Variants in SENP7 observed in about 807,000 individuals in gnomAD.
The protein encoded by SENP7 is sentrin-specific protease 7.
SENP7 carries 64 observed loss-of-function variants against 141.2 expected under a neutral mutation model. The observed-to-expected ratio is 0.45, with a 90% confidence interval of 0.37 to 0.56. The LOEUF (loss-of-function observed/expected upper bound fraction) is 0.56, where lower values mean the gene tolerates loss of function less well. Among genes scored for constraint, SENP7 ranks in the 20% least tolerant of loss-of-function variants. SENP7 has a pLI of 0.00. For missense variants in SENP7, 1,025 were observed against 1,212.2 expected (o/e 0.85, Z 2.29); for synonymous variants, 382 against 426.4 (o/e 0.90, Z 1.28).
At chr3:101,501,423 T>C (rs2065373816) in intron 1 of SENP7, among the ~76,000 whole-genome samples, 1 of 151,972 alleles carries the variant, frequency 6.6e-6, no homozygotes, top group East Asian at 1.9e-4. Context: ...AGAAATTCCC[T>C]GACCAAAGAC....
chr3:101,459,616 T>C (rs1450385730), intron 3 of SENP7, among the ~76,000 whole-genome samples: 1 of 152,204 alleles, frequency 6.6e-6, no homozygotes, highest in Non-Finnish European at 1.5e-5. Context: ...AGGGATATAG[T>C]AACAGTAGCT....
intron 6 of SENP7, among the ~76,000 whole-genome samples, chr3:101,391,266 G>A (rs2060808044): frequency 6.6e-6 from 1 of 151,048 alleles, no homozygotes. Flanking sequence ...ATGAAATATA[G>A]TAAGAAAAAT....
chr3:101,332,978 A>G, intron 17 of SENP7, 116 bp from the exon 18 acceptor site: 1 of 1,014,840 alleles, frequency 9.9e-7, no homozygotes, highest in East Asian at 3.0e-5. Context: ...ATCTTCTTTA[A>G]GATATATCAT....
chr3:101,508,957 C>T (rs948855746), intron 1 of SENP7, among the ~76,000 whole-genome samples: 12 of 152,126 alleles, frequency 7.9e-5, no homozygotes, highest in African/African-American at 2.9e-4. Flanking sequence ...AAAAAATTAC[C>T]TTATTTCATT....
At chr3:101,415,006 A>G (rs1448344525) in intron 5 of SENP7, among the ~76,000 whole-genome samples, 1 of 152,206 alleles carries the variant, frequency 6.6e-6, no homozygotes, top group South Asian at 2.1e-4. Context: ...GAGTTTGAAG[A>G]AAGATATTTT....
At chr3:101,498,975 G>A (rs1382559465) in intron 2 of SENP7, among the ~76,000 whole-genome samples, 1 of 152,142 alleles carries the variant, frequency 6.6e-6, no homozygotes, top group Non-Finnish European at 1.5e-5. Flanking sequence ...CTGGTCCCTG[G>A]TGCCAAACAG....
Position 101,501,137 on chromosome 3 carries a change from G to T in SENP7, c.41-18C>A. 6.3e-7 allele frequency: 1 copy of T among 1,582,020 alleles called. No homozygotes were observed. Among genetic ancestry groups the T allele is most frequent in the African/African-American group, 1.3e-5 (1 of 74,114 alleles). Reference sequence around the variant, plus strand: ...GATGATTTCTACAAAAACCAAAGACGTGGTAAAAATTATCGTTTAACATCT... The same window carrying T: ...GATGATTTCTACAAAAACCAAAGACTTGGTAAAAATTATCGTTTAACATCT... On this transcript the variant is annotated intron_variant, in intron 1 of 23. Coordinates refer to ENST00000394095, the MANE Select transcript of SENP7 (RefSeq NM_020654.5).
chr3:101,335,259 G>A (rs963717897), intron 17 of SENP7, among the ~76,000 whole-genome samples: 8 of 152,110 alleles, frequency 5.3e-5, no homozygotes, highest in Admixed American at 4.6e-4. Context: ...TTAAGGAGAT[G>A]GAAAGAAACC....
chr3:101,380,445 C>CCAACACA (rs1553707807), intron 6 of SENP7, among the ~76,000 whole-genome samples: 1 of 128,826 alleles, frequency 7.8e-6, no homozygotes, highest in Non-Finnish European at 1.7e-5. Context: ...GCCCCCCCCC[C>CCAACACA]CACACACACA....
intron 4 of SENP7, among the ~76,000 whole-genome samples, chr3:101,431,711 G>C (rs2062182020): frequency 1.3e-5 from 2 of 151,766 alleles, no homozygotes; most frequent in Admixed American, 1.3e-4. Flanking sequence ...TTGAACCCGG[G>C]AGGCAGAGGT....
chr3:101,501,796 A>T (rs2065392303), intron 1 of SENP7, among the ~76,000 whole-genome samples: 1 of 152,218 alleles, frequency 6.6e-6, no homozygotes, highest in South Asian at 2.1e-4. Context: ...GTCTACTGGA[A>T]TATATCACAG....
chr3:101,381,508 T>C (rs538983720), intron 6 of SENP7, among the ~76,000 whole-genome samples: 8 of 152,258 alleles, frequency 5.3e-5, no homozygotes, highest in Non-Finnish European at 7.4e-5. Context: ...GAATGGATTA[T>C]GGGTAATATC....
At chr3:101,349,989 G>A (rs915103591) in intron 12 of SENP7, among the ~76,000 whole-genome samples, 1 of 152,168 alleles carries the variant, frequency 6.6e-6, no homozygotes, top group East Asian at 1.9e-4. Context: ...AGCAGAAAAG[G>A]TTATGTCGCA....
rs1032837356 is a variant in SENP7 at position 101,327,900 on chromosome 3, T to C, written c.2865-84A>G. 18 of 1,142,110 alleles carry C rather than the reference T, an allele frequency of 1.6e-5. No homozygotes were observed. In the African/African-American group the frequency reaches 2.2e-4, roughly 14 times the overall value. 70.7% of individuals were successfully genotyped at this position (1,142,110 alleles called of 1,614,324 possible). ...ATTTTCAGAAAGGCGGAAAAACATT[T>C]GTTGCCAGATGTGCTGTCTCAAGCC... On this transcript the variant is annotated intron_variant, in intron 22 of 23. Transcript: ENST00000394095.
At chr3:101,407,405 T>C (rs2061335558) in intron 5 of SENP7, among the ~76,000 whole-genome samples, 1 of 152,050 alleles carries the variant, frequency 6.6e-6, no homozygotes, top group African/African-American at 2.4e-5. Context: ...AAAGAAACAG[T>C]GGATTTAAAC....
chr3:101,496,348 T>G (rs1488095289), intron 2 of SENP7, among the ~76,000 whole-genome samples: 1 of 152,172 alleles, frequency 6.6e-6, no homozygotes, highest in Non-Finnish European at 1.5e-5. Flanking sequence ...TTCTACCTCT[T>G]GGGCCCAGGC....
chr3:101,344,991 C>CAAAAAAAAAAAA (rs71132568), intron 13 of SENP7, among the ~76,000 whole-genome samples: 4 of 61,342 alleles, frequency 6.5e-5, no homozygotes, highest in Admixed American at 2.4e-4. Flanking sequence ...AAAAAGAAAG[C>CAAAAAAAAAAAA]AAAAAAAAAA....
chr3:101,476,033 T>C (rs1402497960), intron 3 of SENP7, among the ~76,000 whole-genome samples: 1 of 152,142 alleles, frequency 6.6e-6, no homozygotes, highest in Non-Finnish European at 1.5e-5. Flanking sequence ...CAGCTACAGA[T>C]TACACACTCT....
At chr3:101,445,894 T>C (rs2062871847) in intron 4 of SENP7, among the ~76,000 whole-genome samples, 1 of 152,106 alleles carries the variant, frequency 6.6e-6, no homozygotes, top group African/African-American at 2.4e-5. Context: ...ATAAAGTACA[T>C]ATTATTAGAG....
Sources: allele counts gnomAD v4.1 joint callset (sites outside exome capture counted in the v4.1 genomes callset), GRCh38; gene constraint gnomAD v4.1.1; transcripts MANE v1.5; gene names NCBI Gene and HGNC (gene_info 2026-07-23, HGNC 2026-07-21).